Variants in SIL1 observed in about 807,000 individuals in gnomAD.
SIL1 encodes the protein SIL1 nucleotide exchange factor.
In SIL1, 40 loss-of-function variants were observed where a neutral mutation model predicts 49.1. The observed-to-expected ratio is 0.81, with a 90% CI of 0.63 to 1.06. The LOEUF (loss-of-function observed/expected upper bound fraction) is 1.06. SIL1 is among the 50% of genes least tolerant of loss of function. SIL1 has a pLI of 0.00. For synonymous variants in SIL1, 253 were observed against 250.8 expected, an observed-to-expected ratio of 1.01 and a Z score of -0.08; for missense variants, 500 against 572.6, an observed-to-expected ratio of 0.87 and a Z score of 1.29.
intron 3 of SIL1, among the ~76,000 whole-genome samples, chr5:139,059,277 T>C (rs1204717371): frequency 2.0e-5 from 3 of 152,092 alleles, no homozygotes; most frequent in African/African-American, 4.8e-5. Flanking sequence ...GGAGATCTGA[T>C]GGTTTTATAA....
intron 1 of SIL1, among the ~76,000 whole-genome samples, chr5:139,150,514 T>C (rs1728840795): frequency 6.6e-6 from 1 of 151,982 alleles, no homozygotes; most frequent in South Asian, 2.1e-4. Flanking sequence ...ACTCCCCACT[T>C]CTCAGGTAGG....
chr5:138,996,897 A>C lies in SIL1; in HGVS notation c.767+24274T>G, dbSNP rs148504507. Among the ~76,000 whole-genome samples, 562 of 152,214 alleles carry C rather than the reference A, an allele frequency of 3.7e-3. 4 individuals carry two copies. Among genetic ancestry groups the C allele is most frequent in the African/African-American group, 0.011 (473 of 41,536 alleles). On this transcript the variant is annotated intron_variant, in intron 7 of 9. Transcript: ENST00000394817. The stretch of plus-strand genomic sequence containing the variant: ...CTGTGCTTTTGAGGTCTTACACACA[A>C]AAAAATCTTTGCCCAGAACAATGTC...
intron 1 of SIL1, among the ~76,000 whole-genome samples, chr5:139,182,935 T>G (rs1197681177): frequency 6.6e-6 from 1 of 152,184 alleles, no homozygotes; most frequent in African/African-American, 2.4e-5. Flanking sequence ...AGCTAATCTC[T>G]CCTACAGAGG....
At chr5:139,188,703 T>C (rs1752117479) in intron 1 of SIL1, among the ~76,000 whole-genome samples, 1 of 152,182 alleles carries the variant, frequency 6.6e-6, no homozygotes, top group Non-Finnish European at 1.5e-5. Context: ...GTGACAAAAG[T>C]CAACATTCCC....
At chr5:139,040,253 T>C (rs369933354) in intron 5 of SIL1, among the ~76,000 whole-genome samples, 51 of 152,284 alleles carry the variant, frequency 3.3e-4, no homozygotes, top group East Asian at 2.3e-3. Context: ...GATGAGCACA[T>C]TGGCAGTGAG....
chr5:138,974,318 C>A (rs1767348663), intron 7 of SIL1, among the ~76,000 whole-genome samples: 1 of 152,208 alleles, frequency 6.6e-6, no homozygotes. Context: ...CTTCATTCTT[C>A]ACTGTCATGC....
intron 1 of SIL1, among the ~76,000 whole-genome samples, chr5:139,133,164 T>C (rs1392539279): frequency 6.6e-6 from 1 of 152,222 alleles, no homozygotes; most frequent in African/African-American, 2.4e-5. Context: ...ACCATCACTC[T>C]GTCCAGGAAA....
chr5:139,043,127 G>A (rs1266727355), intron 4 of SIL1, among the ~76,000 whole-genome samples: 3 of 152,210 alleles, frequency 2.0e-5, no homozygotes, highest in Non-Finnish European at 2.9e-5. Flanking sequence ...GTCAGCCAAG[G>A]GTCTAACAGA....
intron 7 of SIL1, among the ~76,000 whole-genome samples, chr5:138,988,422 T>C (rs1194540140): frequency 6.6e-6 from 1 of 152,236 alleles, no homozygotes; most frequent in Non-Finnish European, 1.5e-5. Context: ...TTGTGAGTCA[T>C]ATTGGCTCTA....
In SIL1 at chr5:138,951,450, C is replaced by T; in HGVS notation, c.865-115G>A. The T allele has an allele frequency of 4.6e-6, 5 of 1,095,858 alleles. No individual in the cohort carries two copies. In the South Asian group the frequency reaches 7.5e-5, roughly 16 times the overall value. The allele number at this position is 1,095,858 out of a possible 1,614,324, so 67.9% of individuals were successfully genotyped here. On this transcript the variant is annotated intron_variant, in intron 8 of 9. Transcript: ENST00000394817. ...TAGTCCCCATTCCTCCCGGCCCCAC[C>T]TCAGTTACAGCTATACCCCAGAACC...
intron 7 of SIL1, among the ~76,000 whole-genome samples, chr5:138,961,616 T>A (rs1376588447): frequency 1.3e-5 from 2 of 152,126 alleles, no homozygotes; most frequent in African/African-American, 4.8e-5. Context: ...CCTGACACTG[T>A]TCTCGGAGGT....
At chr5:139,143,560 T>A (rs908763708) in intron 1 of SIL1, among the ~76,000 whole-genome samples, 1 of 151,614 alleles carries the variant, frequency 6.6e-6, no homozygotes, top group Non-Finnish European at 1.5e-5. Context: ...TTAGTAGAGA[T>A]GGGGTTTCAC....
intron 4 of SIL1, 52 bp from the exon 5 acceptor site, chr5:139,042,771 C>T: frequency 6.6e-7 from 1 of 1,526,370 alleles, no homozygotes; most frequent in Non-Finnish European, 9.1e-7. Context: ...GGCTTGGTGG[C>T]TCACAGTTGT....
chr5:139,002,039 T>C (rs1415368543), intron 7 of SIL1, among the ~76,000 whole-genome samples: 4 of 151,998 alleles, frequency 2.6e-5, no homozygotes, highest in African/African-American at 9.7e-5. Flanking sequence ...GGTGAAACCC[T>C]GTCTCTACAA....
intron 7 of SIL1, among the ~76,000 whole-genome samples, chr5:138,985,353 A>C (rs1767628882): frequency 6.6e-6 from 1 of 152,202 alleles, no homozygotes; most frequent in Non-Finnish European, 1.5e-5. Context: ...ACCTCCCATG[A>C]CAAAATGAAA....
At chr5:139,062,797 A>C (rs1769621779) in intron 3 of SIL1, among the ~76,000 whole-genome samples, 1 of 152,248 alleles carries the variant, frequency 6.6e-6, no homozygotes, top group African/African-American at 2.4e-5. Flanking sequence ...ATAAGTGGCT[A>C]GTCCACAAGC....
chr5:139,038,298 A>C (rs1768962516), intron 5 of SIL1, among the ~76,000 whole-genome samples: 1 of 152,192 alleles, frequency 6.6e-6, no homozygotes, highest in South Asian at 2.1e-4. Context: ...TTGGGTATTA[A>C]GTTATGAAAT....
chr5:139,078,033 C>T (rs1769991592), intron 3 of SIL1, among the ~76,000 whole-genome samples: 1 of 152,156 alleles, frequency 6.6e-6, no homozygotes, highest in Non-Finnish European at 1.5e-5. Flanking sequence ...GGTCCTGAGC[C>T]ACTTGTGCAA....
At chr5:139,156,773 A>G (rs1274853125) in intron 1 of SIL1, among the ~76,000 whole-genome samples, 2 of 152,380 alleles carry the variant, frequency 1.3e-5, no homozygotes, top group East Asian at 3.9e-4. Flanking sequence ...TAGAGGGAGC[A>G]CAGCCCTGCC....
Sources: allele counts gnomAD v4.1 joint callset (sites outside exome capture counted in the v4.1 genomes callset), GRCh38; gene constraint gnomAD v4.1.1; transcripts MANE v1.5; gene names NCBI Gene and HGNC (gene_info 2026-07-23, HGNC 2026-07-21).